Variants in FAM184A observed in about 807,000 individuals in gnomAD.
FAM184A encodes the protein family with sequence similarity 184 member A.
In FAM184A, 99 loss-of-function variants were observed where a neutral mutation model predicts 143.8. That is an observed-to-expected ratio of 0.69 (90% confidence interval 0.58 to 0.81). The LOEUF is 0.81. Among genes scored for constraint, FAM184A ranks in the 40% least tolerant of loss-of-function variants. FAM184A has a pLI of 0.00. For missense variants in FAM184A, 1,217 were observed against 1,310.5 expected (o/e 0.93, Z 1.10); for synonymous variants, 427 against 446.4 (o/e 0.96, Z 0.55).
chr6:119,123,337 C>G (rs926648238), intron 1 of FAM184A, among the ~76,000 whole-genome samples: 1 of 151,896 alleles, frequency 6.6e-6, no homozygotes, highest in African/African-American at 2.4e-5. Context: ...TGCAGTGAGC[C>G]GAGATCATGC....
intron 1 of FAM184A, among the ~76,000 whole-genome samples, chr6:119,039,236 C>T (rs1054213827): frequency 5.3e-5 from 8 of 152,184 alleles, no homozygotes; most frequent in African/African-American, 1.9e-4. Flanking sequence ...GATAGTTGAG[C>T]GGTTTCTTAT....
intron 1 of FAM184A, among the ~76,000 whole-genome samples, chr6:119,109,122 C>G (rs930079091): frequency 1.0e-5 from 1 of 96,506 alleles, no homozygotes; most frequent in Non-Finnish European, 2.1e-5. Context: ...TATTCTTGGT[C>G]TTATTGTTTT....
At chr6:119,006,776 G>C (rs985032458) in intron 6 of FAM184A, among the ~76,000 whole-genome samples, 168 bp from the exon 7 acceptor site, 4 of 152,130 alleles carry the variant, frequency 2.6e-5, no homozygotes, top group African/African-American at 7.2e-5. Context: ...TTCTTCTGCT[G>C]TGTTTTGAAA....
At chr6:118,996,881 ATT>A (rs571005695) in intron 9 of FAM184A, among the ~76,000 whole-genome samples, 9 of 139,012 alleles carry the variant, frequency 6.5e-5, no homozygotes, top group Admixed American at 1.5e-4. Flanking sequence ...TGCCTGGCTA[ATT>A]TTTTTTTTTT....
intron 1 of FAM184A, among the ~76,000 whole-genome samples, chr6:119,028,387 C>T (rs1327750965): frequency 6.6e-6 from 1 of 152,146 alleles, no homozygotes; most frequent in Admixed American, 6.6e-5. Context: ...AGGATTGGGG[C>T]TGGCTGCCAG....
chr6:119,133,829 A>T (rs1323245026), intron 1 of FAM184A, among the ~76,000 whole-genome samples: 1 of 151,260 alleles, frequency 6.6e-6, no homozygotes, highest in African/African-American at 2.4e-5. Flanking sequence ...ACGATTTTTA[A>T]TTTTTTTTGT....
upstream of FAM184A, among the ~76,000 whole-genome samples, chr6:119,081,644 G>C (rs1186593168): frequency 1.3e-5 from 2 of 152,318 alleles, no homozygotes; most frequent in South Asian, 2.1e-4. Context: ...TGGAGAATGA[G>C]TGCAAGGTTT....
At chr6:119,130,766 T>TA (rs1480373442) in intron 1 of FAM184A, among the ~76,000 whole-genome samples, 1 of 152,066 alleles carries the variant, frequency 6.6e-6, no homozygotes, top group Non-Finnish European at 1.5e-5. Context: ...GAATATCAAA[T>TA]AAAAATTCAG....
At chr6:119,050,504 T>TA (rs148556333) in intron 1 of FAM184A, among the ~76,000 whole-genome samples, 101,456 of 148,334 alleles carry the variant, frequency 0.68, 35,822 homozygotes, top group South Asian at 0.78. Flanking sequence ...TATGCAGCCA[T>TA]AAAAAAAAAA....
At chr6:119,002,824 A>G (rs1582489445) in intron 9 of FAM184A, 75 bp downstream of exon 9, 1 of 1,302,396 alleles carries the variant, frequency 7.7e-7, no homozygotes, top group South Asian at 1.7e-5. Flanking sequence ...GTGAATTAAC[A>G]GAGTTTTACA....
rs1384996361 is a variant in FAM184A, at chr6:118,961,955, C to A, written c.3147G>T (p.Lys1049Asn). ...GVINPLAKQKKKNDKSPTNRF... is the reference protein window; with the variant it reads ...GVINPLAKQKNKNDKSPTNRF... Reference sequence around the variant, plus strand: ...TGTTTGTTGGTGATTTATCATTCTTCTTCTTTTGCTGCATTAAAAATAATA... The same window carrying A: ...TGTTTGTTGGTGATTTATCATTCTTATTCTTTTGCTGCATTAAAAATAATA... The change falls in exon 17 of 18, where the codon AAG (lysine) becomes AAT (asparagine). Residue 1049 changes from lysine to asparagine, a missense_variant. Lys to Asn is a moderately conservative substitution (Grantham distance 94). Transcript: ENST00000338891. The A allele has an allele frequency of 6.2e-7, 1 of 1,613,528 alleles. No individual in the cohort carries two copies. Among genetic ancestry groups the A allele is most frequent in the Non-Finnish European group, 8.5e-7 (1 of 1,179,674 alleles).
intron 14 of FAM184A, 22 bp downstream of exon 14, chr6:118,974,406 T>C (rs1432785785): frequency 1.3e-6 from 2 of 1,588,494 alleles, no homozygotes; most frequent in South Asian, 1.2e-5. Flanking sequence ...ACATATGAAT[T>C]TTCTTATATA....
At chr6:119,113,506 C>T (rs1788983752) in intron 1 of FAM184A, among the ~76,000 whole-genome samples, 1 of 151,980 alleles carries the variant, frequency 6.6e-6, no homozygotes, top group Non-Finnish European at 1.5e-5. Flanking sequence ...AAGCTCATAC[C>T]ATACAACTAT....
At chr6:119,065,725 A>C (rs1787428089) in intron 1 of FAM184A, among the ~76,000 whole-genome samples, 1 of 152,124 alleles carries the variant, frequency 6.6e-6, no homozygotes, top group Non-Finnish European at 1.5e-5. Flanking sequence ...TCCTCCTCAG[A>C]TCTGAGATTT....
intron 1 of FAM184A, among the ~76,000 whole-genome samples, chr6:119,035,619 T>C (rs531990753): frequency 6.6e-6 from 1 of 152,318 alleles, no homozygotes; most frequent in East Asian, 1.9e-4. Context: ...TGGTATCTTT[T>C]TAGGTCTGAT....
intron 9 of FAM184A, among the ~76,000 whole-genome samples, chr6:118,992,412 G>C (rs757233872): frequency 2.6e-5 from 4 of 152,154 alleles, no homozygotes; most frequent in African/African-American, 4.8e-5. Context: ...GAGGATAATA[G>C]CAAGTGCAGC....
At chr6:119,023,856 G>T in intron 2 of FAM184A, 103 bp downstream of exon 2, 60 of 738,218 alleles carry the variant, frequency 8.1e-5, no homozygotes, top group Non-Finnish European at 1.1e-4. Flanking sequence ...TAAGTGGTGT[G>T]AAGCCACTGA....
chr6:119,060,032 G>C (rs1787166909), intron 1 of FAM184A, among the ~76,000 whole-genome samples: 3 of 152,134 alleles, frequency 2.0e-5, no homozygotes, highest in Non-Finnish European at 2.9e-5. Flanking sequence ...ATGACTCTTT[G>C]TAACTACCTG....
upstream of FAM184A, among the ~76,000 whole-genome samples, chr6:119,081,950 G>A (rs1562142872): frequency 6.6e-6 from 1 of 152,192 alleles, no homozygotes; most frequent in Non-Finnish European, 1.5e-5. Flanking sequence ...CTCCACTGAT[G>A]TGCTCCTCTT....
Sources: allele counts gnomAD v4.1 joint callset (sites outside exome capture counted in the v4.1 genomes callset), GRCh38; gene constraint gnomAD v4.1.1; transcripts MANE v1.5; gene names NCBI Gene and HGNC (gene_info 2026-07-23, HGNC 2026-07-21).